ACOT11: variants seen among roughly 807,000 people sequenced by gnomAD.
The protein encoded by ACOT11 is acyl-coenzyme A thioesterase 11.
A neutral mutation model predicts 77.5 loss-of-function variants in ACOT11; 69 were observed. The ratio of observed to expected loss-of-function variants is 0.89; its 90% CI spans 0.73 to 1.09. ACOT11 has a LOEUF of 1.09. Ranked by LOEUF, ACOT11 falls within the 50% of genes least tolerant of loss-of-function variation. The probability of loss-of-function intolerance (pLI) is 0.00; values close to 1 mark genes in which losing one functional copy is unlikely to be tolerated. For synonymous variants in ACOT11, 279 were observed against 313.0 expected, an observed-to-expected ratio of 0.89 and a Z score of 1.15; for missense variants, 766 against 813.7, an observed-to-expected ratio of 0.94 and a Z score of 0.71.
At chr1:54,623,269 G>A in intron 15 of ACOT11, 1 of 1,603,470 alleles carries the variant, frequency 6.2e-7, no homozygotes, top group South Asian at 1.1e-5. Flanking sequence ...CATGGGGGGA[G>A]GCACCTACCT....
chr1:54,623,117 A>G (rs1447022651), intron 15 of ACOT11, among the ~76,000 whole-genome samples: 1 of 151,270 alleles, frequency 6.6e-6, no homozygotes, highest in African/African-American at 2.4e-5. Context: ...CGGAGGTTGC[A>G]GTGAGCCGAG....
intron 15 of ACOT11, chr1:54,623,444 C>A: frequency 7.2e-7 from 1 of 1,381,840 alleles, no homozygotes. Context: ...CCCAGAGTCC[C>A]TGAGGCTCCC....
At chr1:54,630,906 C>T (rs371266235) in intron 16 of ACOT11, 194 of 698,948 alleles carry the variant, frequency 2.8e-4, no homozygotes, top group African/African-American at 2.7e-3. Flanking sequence ...AAGGGGAGTC[C>T]GGAAGCGTCA....
Position 54,584,756 on chromosome 1 carries a change from G to A in ACOT11, c.135G>A (p.Thr45=), listed in dbSNP as rs756536630. ...ACGGCGAGGGATACCGGAACCCCAC[G>A]GAGGTGCAGATGAGCCAGCTGGTGC... The part of the protein sequence containing the change: ...MADGEGYRNP[T]EVQMSQLVLP... The change falls in exon 2 of 16, where the codon ACG becomes ACA. Residue 45 remains threonine (T), a synonymous_variant. Transcript: ENST00000343744. This position sits in a 1 kb window ranked among gnomAD's most constrained non-coding sequence, Gnocchi z 6.3. The A allele has an allele frequency of 3.0e-5, 48 of 1,614,000 alleles. No individual in the cohort carries two copies. The East Asian group carries it at 4.2e-4, about 14-fold the overall frequency.
chr1:54,619,467 C>T (rs1414336148), intron 15 of ACOT11, among the ~76,000 whole-genome samples: 2 of 152,144 alleles, frequency 1.3e-5, no homozygotes, highest in Non-Finnish European at 2.9e-5. Context: ...ATGGTAGTCC[C>T]AGGAGAACCT....
intron 6 of ACOT11, among the ~76,000 whole-genome samples, chr1:54,596,097 C>G (rs1654888664): frequency 6.6e-6 from 1 of 152,266 alleles, no homozygotes; most frequent in African/African-American, 2.4e-5. Flanking sequence ...AGAATCAGCT[C>G]AAGTGCCTTT....
At chr1:54,610,490 C>G, downstream of ACOT11, 1 of 1,502,942 alleles carries the variant, frequency 6.7e-7, no homozygotes, top group Non-Finnish European at 9.2e-7. Flanking sequence ...CCGTCATCCC[C>G]AGGCAGCTGG....
In ACOT11 at chr1:54,584,540, G is replaced by A; in HGVS notation, c.34-115G>A. On this transcript the variant is annotated intron_variant, in intron 1 of 15. Transcript: ENST00000343744. The surrounding 1 kb of genome is among the most constrained non-coding windows in gnomAD (Gnocchi z 6.3). Reference sequence around the variant, plus strand: ...CTCTCGGGTTGGGGTCTGGTGGGAGGTGGCCCTAGGTACTCTCTCTCCCCC... The same window carrying A: ...CTCTCGGGTTGGGGTCTGGTGGGAGATGGCCCTAGGTACTCTCTCTCCCCC... 2 of 974,432 alleles carry A rather than the reference G, an allele frequency of 2.1e-6. No individual in the cohort carries two copies. The highest frequency in any genetic ancestry group is 3.1e-6 in the Non-Finnish European group (2 of 655,048). 60.4% of individuals were successfully genotyped at this position (974,432 alleles called of 1,614,324 possible).
rs201630556 is a variant in ACOT11 at position 54,609,605 on chromosome 1, A to T, written c.*493A>T. On this transcript the variant is annotated 3_prime_UTR_variant, in exon 16 of 16. Coordinates refer to ENST00000343744, the MANE Select transcript of ACOT11 (RefSeq NM_147161.4). Reference sequence around the variant, plus strand: ...CTCAGGCCAGCCTGGTGCCACAGTCACGTGGGGGAAGACCTCAGCCACAGC... The same window carrying T: ...CTCAGGCCAGCCTGGTGCCACAGTCTCGTGGGGGAAGACCTCAGCCACAGC... The T allele has an allele frequency of 1.5e-4, 236 of 1,613,300 alleles. No homozygotes were observed. The highest frequency in any genetic ancestry group is 1.7e-4 in the Non-Finnish European group (195 of 1,180,024).
chr1:54,577,066 T>G (rs2100969884), intron 1 of ACOT11, among the ~76,000 whole-genome samples: 1 of 152,350 alleles, frequency 6.6e-6, no homozygotes, highest in Non-Finnish European at 1.5e-5. Flanking sequence ...CACATCTTAT[T>G]TAATTTAAAT....
chr1:54,573,264 G>A (rs1653986064), intron 1 of ACOT11: 2 of 984,652 alleles, frequency 2.0e-6, no homozygotes. Context: ...AGCTTTTGCG[G>A]TAAGCAGACT....
rs1006191479 is a variant in ACOT11, at chr1:54,629,350, G to A, written c.1630-1384G>A. ...TGCCCAGGCTGGAGTGCAGTGGCGC[G>A]ATCTCGGCTCACTGCAACCTCTGCC... On this transcript the variant is annotated intron_variant, in intron 15 of 16. Transcript: ENST00000371316. Among the ~76,000 whole-genome samples the A allele has an allele frequency of 4.1e-4, 54 of 131,650 alleles. 9 individuals are homozygous for A. Among genetic ancestry groups the A allele is most frequent in the Non-Finnish European group, 6.3e-4 (37 of 58,382 alleles). 86.4% of individuals were successfully genotyped at this position (131,650 alleles called of 152,430 possible). A position where few individuals can be genotyped will look rare whatever the true frequency, so the allele number is the denominator to read the frequency against.
At chr1:54,555,039 A>G (rs560385067) in intron 1 of ACOT11, among the ~76,000 whole-genome samples, 6 of 152,062 alleles carry the variant, frequency 3.9e-5, no homozygotes, top group African/African-American at 1.4e-4. Flanking sequence ...GCTCACTGCA[A>G]CCTCCGCCTC....
rs527879359 is a variant in ACOT11, at chr1:54,625,750, C to T, written c.1630-4984C>T. On this transcript the variant is annotated intron_variant, in intron 15 of 16. Coordinates refer to the ACOT11 transcript ENST00000371316. ...GTTGGGAGTTCGAGACCAGCCTGACCAACATGGAGAAACCCCATCTCTACT... is the reference window on the plus strand; with the variant it reads ...GTTGGGAGTTCGAGACCAGCCTGACTAACATGGAGAAACCCCATCTCTACT... Among the ~76,000 whole-genome samples, 3 of 151,402 alleles carry T rather than the reference C, an allele frequency of 2.0e-5. No individual in the cohort carries two copies. The East Asian group carries it at 5.8e-4, about 29-fold the overall frequency.
chr1:54,587,891 T>A (rs1390064319), intron 3 of ACOT11, among the ~76,000 whole-genome samples: 1 of 151,992 alleles, frequency 6.6e-6, no homozygotes, highest in East Asian at 1.9e-4. Flanking sequence ...TTTAGAATAG[T>A]TTTAAATTTA....
At chr1:54,603,222 A>G (rs1450657754) in intron 10 of ACOT11, among the ~76,000 whole-genome samples, 2 of 152,220 alleles carry the variant, frequency 1.3e-5, no homozygotes, top group African/African-American at 4.8e-5. Flanking sequence ...CTGTAGTCCC[A>G]GTGCACCTAT....
intron 1 of ACOT11, among the ~76,000 whole-genome samples, chr1:54,563,835 G>C (rs1277865431): frequency 6.6e-6 from 1 of 152,136 alleles, no homozygotes; most frequent in African/African-American, 2.4e-5. Flanking sequence ...TGAGGGAGCG[G>C]GGGGCGGATC....
At chr1:54,597,069 C>T (rs1472034185) in intron 6 of ACOT11, among the ~76,000 whole-genome samples, 190 bp from the exon 7 acceptor site, 3 of 152,240 alleles carry the variant, frequency 2.0e-5, no homozygotes, top group Admixed American at 6.5e-5. Flanking sequence ...GGTGCTGCAT[C>T]CACTGCACTG....
chr1:54,610,462 A>T (rs1557668897), downstream of ACOT11: 2 of 1,613,072 alleles, frequency 1.2e-6, no homozygotes, highest in Non-Finnish European at 1.7e-6. Flanking sequence ...GTCAGGAACC[A>T]GCCACTCCAC....
Sources: allele counts gnomAD v4.1 joint callset (sites outside exome capture counted in the v4.1 genomes callset), GRCh38; gene constraint gnomAD v4.1.1; non-coding constraint Gnocchi (gnomAD v3.1); transcripts MANE v1.5; gene names NCBI Gene and HGNC (gene_info 2026-07-23, HGNC 2026-07-21).